The following JHY variants were observed in gnomAD, a reference collection of about 807,000 sequenced individuals.
JHY encodes junctional cadherin complex regulator.
Under a neutral mutation model 78.0 loss-of-function variants are expected in JHY, and 69 were observed. The ratio of observed to expected loss-of-function variants is 0.88; its 90% CI spans 0.73 to 1.08. The LOEUF is 1.08. Among genes scored for constraint, JHY ranks in the 50% least tolerant of loss-of-function variants. JHY has a pLI of 0.00. For missense variants in JHY, 944 were observed against 927.8 expected, an observed-to-expected ratio of 1.02 and a Z score of -0.23; for synonymous variants, 368 against 342.6, an observed-to-expected ratio of 1.07 and a Z score of -0.82.
rs1863706399 is a variant in JHY, at chr11:122,934,527, C to T, written c.1086C>T (p.Ala362=). 1 of 1,613,868 alleles carries T rather than the reference C, an allele frequency of 6.2e-7. No homozygotes were observed. Among genetic ancestry groups the T allele is most frequent in the African/African-American group, 1.3e-5 (1 of 74,866 alleles). ...VNDHQPSRRP[A]KLKIRKQCKH... is the part of the protein sequence containing the mutation. ...ACCATCAACCTTCCAGAAGACCAGC[C>T]AAGCTCAAGATTCGAAAGCAGTGTA... Residue 362 remains alanine (A), a synonymous_variant, in exon 5 of 9, where the codon GCC becomes GCT. Transcript: ENST00000227349.
intron 7 of JHY, 23 bp downstream of exon 7, chr11:122,956,599 G>A (rs1458105435): frequency 6.2e-7 from 1 of 1,605,052 alleles, no homozygotes; most frequent in Non-Finnish European, 8.5e-7. Flanking sequence ...CACATACAGT[G>A]TTTCCAGACC....
At chr11:122,931,425 T>C (rs1249711261) in intron 4 of JHY, among the ~76,000 whole-genome samples, 6 of 152,216 alleles carry the variant, frequency 3.9e-5, no homozygotes, top group African/African-American at 9.6e-5. Context: ...AATTTGGTTT[T>C]GCCTCCAACA....
Position 122,934,556 on chromosome 11 carries a change from A to G in JHY, c.1115A>G (p.His372Arg), listed in dbSNP as rs767350303. 16 of 1,614,004 alleles carry G rather than the reference A, an allele frequency of 9.9e-6. No individual in the cohort carries two copies. The highest frequency in any genetic ancestry group is 2.7e-5 in the African/African-American group (2 of 74,918). ...CTCAAGATTCGAAAGCAGTGTAAAC[A>G]CCAGAATGGCCTGAAGTCTTCCACA... ...AKLKIRKQCK[H>R]QNGLKSSTTE... The change falls in exon 5 of 9, where the codon CAC becomes CGC. Residue 372 changes from histidine to arginine, a missense_variant. Physicochemically the swap from His to Arg is conservative, Grantham distance 29 (BLOSUM62 0). Transcript: ENST00000227349.
rs1381923521 is a variant in JHY at position 122,898,916 on chromosome 11, G to A, written c.345-5009G>A. ...TTTGTCCACACAGAATTTGTTCTAT[G>A]AAAGCACCACATTGTCTCTGCCTCC... On this transcript the variant is annotated intron_variant, in intron 2 of 8. Coordinates refer to ENST00000227349, the MANE Select transcript of JHY (RefSeq NM_024806.4). This position sits in a 1 kb window ranked among gnomAD's most constrained non-coding sequence, Gnocchi z 4.4. 6.6e-6 allele frequency among the ~76,000 whole-genome samples: 1 copy of A among 152,186 alleles called. No homozygotes were observed. Among genetic ancestry groups the A allele is most frequent in the Non-Finnish European group, 1.5e-5 (1 of 68,050 alleles).
At chr11:122,933,150 A>T (rs988363920) in intron 4 of JHY, among the ~76,000 whole-genome samples, 1 of 152,242 alleles carries the variant, frequency 6.6e-6, no homozygotes, top group African/African-American at 2.4e-5. Flanking sequence ...TAGTGGTTGT[A>T]TCAGAATGTA....
chr11:122,919,352 CAAAAAAAAAAAA>C (rs72233254), intron 3 of JHY, among the ~76,000 whole-genome samples: 6 of 70,090 alleles, frequency 8.6e-5, no homozygotes, highest in Admixed American at 1.8e-4. Context: ...GACTCTGTCT[CAAAAAAAAAAAA>C]AAAAAAAAAA....
intron 2 of JHY, among the ~76,000 whole-genome samples, chr11:122,892,999 C>G (rs560381232): frequency 2.0e-5 from 3 of 152,284 alleles, no homozygotes; most frequent in Admixed American, 1.3e-4. Context: ...TTTCAGGAGT[C>G]AACTTTCATT....
rs367557609 is a variant in JHY, at chr11:122,885,800, C to G, written c.-50C>G. 161 of 1,396,966 alleles carry G rather than the reference C, an allele frequency of 1.2e-4. No homozygotes were observed. The African/African-American group carries it at 2.1e-3, about 18-fold the overall frequency. 86.5% of individuals were successfully genotyped at this position (1,396,966 alleles called of 1,614,324 possible). ...AACCACAACTTTAAATATCAGCCAGCTGCTCCTATCAACACGAGTATCCCC... is the reference window on the plus strand; with the variant it reads ...AACCACAACTTTAAATATCAGCCAGGTGCTCCTATCAACACGAGTATCCCC... On this transcript the variant is annotated 5_prime_UTR_variant, in exon 2 of 9. Coordinates refer to ENST00000227349, the MANE Select transcript of JHY (RefSeq NM_024806.4).
chr11:122,905,136 T>C (rs767585438), intron 3 of JHY: 2 of 1,469,174 alleles, frequency 1.4e-6, no homozygotes, highest in Non-Finnish European at 1.9e-6. Context: ...ATTTGTAAAA[T>C]TGGGACAGTA....
intron 6 of JHY, among the ~76,000 whole-genome samples, chr11:122,954,120 G>A (rs1001756006): frequency 6.6e-6 from 1 of 152,202 alleles, no homozygotes; most frequent in African/African-American, 2.4e-5. Flanking sequence ...TAGTCCACAA[G>A]TGATTGCTAG....
intron 6 of JHY, among the ~76,000 whole-genome samples, chr11:122,951,110 G>A (rs142164074): frequency 3.9e-4 from 60 of 152,298 alleles, no homozygotes; most frequent in African/African-American, 1.3e-3. Flanking sequence ...TGCTGGTCAC[G>A]TCAAATCTTT....
intron 2 of JHY, among the ~76,000 whole-genome samples, chr11:122,894,555 AT>A (rs918502673): frequency 6.6e-6 from 1 of 152,232 alleles, no homozygotes; most frequent in Non-Finnish European, 1.5e-5. Flanking sequence ...GTCATACAGC[AT>A]TTCCCTTGTG....
At position 122,925,028 on chromosome 11, in the gene JHY, A is replaced by C; in HGVS notation, c.978+18A>C. The C allele has an allele frequency of 6.4e-7, 1 of 1,563,798 alleles. No individual in the cohort carries two copies. The highest frequency in any genetic ancestry group is 8.8e-7 in the Non-Finnish European group (1 of 1,134,400). On this transcript the variant is annotated intron_variant, in intron 4 of 8. Transcript: ENST00000227349. Reference sequence around the variant, plus strand: ...AGCTAAAGGTTACCTGCTAGATTGCATTTTAAGTGTGTTTCAAGCGATACT... The same window carrying C: ...AGCTAAAGGTTACCTGCTAGATTGCCTTTTAAGTGTGTTTCAAGCGATACT...
Position 122,935,011 on chromosome 11 carries a change from A to G in JHY, c.1570A>G (p.Lys524Glu), listed in dbSNP as rs770698475. The part of the protein sequence containing the change: ...VYHINTHGST[K>E]NKKQLKQPYT... ...TCACATAAATACTCATGGATCAACC[A>G]AAAATAAGAAACAACTCAAACAGCC... Residue 524 changes from lysine to glutamate, a missense_variant, in exon 5 of 9, where the codon AAA becomes GAA. Physicochemically the swap from Lys to Glu is moderately conservative, Grantham distance 56. Coordinates refer to ENST00000227349, the MANE Select transcript of JHY (RefSeq NM_024806.4). The surrounding 1 kb of genome is among the most constrained non-coding windows in gnomAD (Gnocchi z 4.5). The G allele has an allele frequency of 6.2e-7, 1 of 1,609,598 alleles. No individual in the cohort carries two copies. The highest frequency in any genetic ancestry group is 1.1e-5 in the South Asian group (1 of 90,240).
chr11:122,905,439 A>G (rs1862967644), intron 3 of JHY: 5 of 1,321,200 alleles, frequency 3.8e-6, no homozygotes, highest in Non-Finnish European at 4.8e-6. Flanking sequence ...CCTTAGACCT[A>G]TTCCAAATCC....
Position 122,961,127 on chromosome 11 carries a change from C to CT in JHY, c.*1683dup. 1.3e-6 allele frequency: 1 copy of CT among 799,952 alleles called. No individual in the cohort carries two copies. Among genetic ancestry groups the CT allele is most frequent in the Non-Finnish European group, 2.1e-6 (1 of 484,760 alleles). 49.6% of individuals were successfully genotyped at this position (799,952 alleles called of 1,614,324 possible). On this transcript the variant is annotated 3_prime_UTR_variant, in exon 9 of 9. Transcript: ENST00000227349. ...AATTGAGAGAGCCAGAAACAGTTGA[C>CT]TGACTAAATGGAAACTAGGCTATGT...
intron 3 of JHY, among the ~76,000 whole-genome samples, chr11:122,923,205 A>G (rs1185561098): frequency 6.6e-6 from 1 of 152,232 alleles, no homozygotes; most frequent in African/African-American, 2.4e-5. Context: ...CAGAGGGCAG[A>G]GGGATAGAAA....
At chr11:122,910,622 T>C (rs1297936602) in intron 3 of JHY, among the ~76,000 whole-genome samples, 2 of 152,200 alleles carry the variant, frequency 1.3e-5, no homozygotes, top group Non-Finnish European at 2.9e-5. Context: ...CTGTGTACCT[T>C]TTCAAATCTC....
At position 122,904,497 on chromosome 11, in the gene JHY, G is replaced by A. The variant is rs1862944519; in HGVS notation, c.864+53G>A. 8 of 1,552,668 alleles carry A rather than the reference G, an allele frequency of 5.2e-6. No homozygotes were observed. In the South Asian group the frequency reaches 7.5e-5, roughly 14 times the overall value. On this transcript the variant is annotated intron_variant, in intron 3 of 8. Coordinates refer to ENST00000227349, the MANE Select transcript of JHY (RefSeq NM_024806.4). ...TCTGAAACATTAAACCAGAATTTGC[G>A]TTTGTTTGCAGTGTCTAGATATCGC...
Sources: gnomAD v4.1 joint callset for allele counts (sites outside exome capture counted in the v4.1 genomes callset) on GRCh38, gnomAD v4.1.1 for gene constraint, Gnocchi (gnomAD v3.1) non-coding constraint, MANE v1.5 for transcripts, NCBI Gene and HGNC (gene_info 2026-07-23, HGNC 2026-07-21) for gene names.